Variants in ARPP19 observed in about 807,000 individuals in gnomAD.
ARPP19 encodes cAMP-regulated phosphoprotein 19.
A neutral mutation model predicts 12.0 loss-of-function variants in ARPP19; 8 were observed. The ratio of observed to expected loss-of-function variants is 0.67; its 90% CI spans 0.39 to 1.21. The LOEUF is 1.21. Ranked by LOEUF, ARPP19 falls within the 50% of genes most tolerant of loss-of-function variation. ARPP19 has a pLI of 0.01. For synonymous variants in ARPP19, 47 were observed against 50.4 expected (o/e 0.93, Z 0.29); for missense variants, 102 against 136.3 (o/e 0.75, Z 1.25).
At chr15:52,555,864 TTC>T (rs200474257) in intron 2 of ARPP19, among the ~76,000 whole-genome samples, 1,922 of 152,106 alleles carry the variant, frequency 0.013, 38 homozygotes, top group African/African-American at 0.043. Flanking sequence ...ATATAAACAT[TTC>T]TCTGTTTTTT....
intron 1 of ARPP19, among the ~76,000 whole-genome samples, chr15:52,563,133 CA>C (rs1341828892): frequency 6.6e-6 from 1 of 152,090 alleles, no homozygotes; most frequent in East Asian, 1.9e-4. Flanking sequence ...CTCTGCCTCC[CA>C]AAGTGCTGGG....
intron 1 of ARPP19, among the ~76,000 whole-genome samples, chr15:52,566,271 G>A (rs908251910): frequency 6.6e-6 from 1 of 152,134 alleles, no homozygotes; most frequent in Non-Finnish European, 1.5e-5. Flanking sequence ...CAATTCTTAT[G>A]CCTCAGTCTC....
At position 52,548,655 on chromosome 15, in the gene ARPP19, G is replaced by C. The variant is rs2077901281; in HGVS notation, c.*3279C>G. On this transcript the variant is annotated 3_prime_UTR_variant, in exon 3 of 3. Transcript: ENST00000249822. Reference sequence around the variant, plus strand: ...TAGTAGCCGCCTTGGTTGTCAGACTGAAAAAACATAGTTGATAAAGGGTTC... The same window carrying C: ...TAGTAGCCGCCTTGGTTGTCAGACTCAAAAAACATAGTTGATAAAGGGTTC... The C allele has an allele frequency of 6.6e-6, 1 of 152,320 alleles. No individual in the cohort carries two copies. Among genetic ancestry groups the C allele is most frequent in the Non-Finnish European group, 1.5e-5 (1 of 68,210 alleles). 9.4% of individuals were successfully genotyped at this position (152,320 alleles called of 1,614,324 possible). A position where few individuals can be genotyped will look rare whatever the true frequency, so the allele number is the denominator to read the frequency against.
At chr15:52,556,580 T>C (rs577259202) in intron 2 of ARPP19, among the ~76,000 whole-genome samples, 1 of 152,288 alleles carries the variant, frequency 6.6e-6, no homozygotes, top group East Asian at 1.9e-4. Context: ...TGTGCATTTA[T>C]TAAGTGATCA....
rs2077908395 is a variant in ARPP19, at chr15:52,549,421, T to C, written c.*2513A>G. ...GCACCAATAATGGAGGCTAAGCAAT[T>C]ATACCTACAAATCCTTAACGACAGG... is the stretch of plus-strand genomic sequence containing the variant. On this transcript the variant is annotated 3_prime_UTR_variant, in exon 3 of 3. Coordinates refer to ENST00000249822, the MANE Select transcript of ARPP19 (RefSeq NM_006628.6). 1 of 152,550 alleles carries C rather than the reference T, an allele frequency of 6.6e-6. No individual in the cohort carries two copies. The highest frequency in any genetic ancestry group is 2.4e-5 in the African/African-American group (1 of 41,426). The allele number at this position is 152,550 out of a possible 1,614,324, so 9.4% of individuals were successfully genotyped here. A position where few individuals can be genotyped will look rare whatever the true frequency, so the allele number is the denominator to read the frequency against.
Position 52,550,925 on chromosome 15 carries a change from T to C in ARPP19, c.*1009A>G, listed in dbSNP as rs1358828149. On this transcript the variant is annotated 3_prime_UTR_variant, in exon 3 of 3. Transcript: ENST00000249822. ...AAAAATCAAAATGAAAGGTTCTGCATAGGACAAAAGATATGCCTAAGCAAC... is the reference window on the plus strand; with the variant it reads ...AAAAATCAAAATGAAAGGTTCTGCACAGGACAAAAGATATGCCTAAGCAAC... 6.5e-6 allele frequency: 1 copy of C among 152,684 alleles called. No individual in the cohort carries two copies. The allele number at this position is 152,684 out of a possible 1,614,324, so 9.5% of individuals were successfully genotyped here. A position where few individuals can be genotyped will look rare whatever the true frequency, so the allele number is the denominator to read the frequency against.
At chr15:52,555,806 G>A (rs543721964) in intron 2 of ARPP19, among the ~76,000 whole-genome samples, 1 of 151,936 alleles carries the variant, frequency 6.6e-6, no homozygotes, top group South Asian at 2.1e-4. Flanking sequence ...TTGCAATTTA[G>A]TTATATAAAT....
rs1242801999 is a variant in ARPP19 at position 52,547,978 on chromosome 15, G to A, written c.*3956C>T. ...AAAGTGGAAAATATGTTTGAACATT[G>A]GAGAATGTGAAAAGGCCACCAAACT... is the stretch of plus-strand genomic sequence containing the variant. On this transcript the variant is annotated 3_prime_UTR_variant, in exon 3 of 3. Transcript: ENST00000249822. The A allele has an allele frequency of 6.6e-6, 1 of 151,616 alleles. No homozygotes were observed. Among genetic ancestry groups the A allele is most frequent in the Non-Finnish European group, 1.5e-5 (1 of 67,852 alleles). 9.4% of individuals were successfully genotyped at this position (151,616 alleles called of 1,614,324 possible).
At chr15:52,556,624 G>T (rs2077984208) in intron 2 of ARPP19, among the ~76,000 whole-genome samples, 2 of 152,226 alleles carry the variant, frequency 1.3e-5, no homozygotes, top group Middle Eastern at 3.4e-3. Flanking sequence ...GCTTTTGAAT[G>T]TTGTGTGGGA....
At chr15:52,556,897 T>C (rs1268765455) in intron 2 of ARPP19, 1 of 464,472 alleles carries the variant, frequency 2.2e-6, no homozygotes. Context: ...TAGTTTATTA[T>C]TAAAAATGCT....
At chr15:52,563,130 T>A (rs2078050748) in intron 1 of ARPP19, among the ~76,000 whole-genome samples, 1 of 152,138 alleles carries the variant, frequency 6.6e-6, no homozygotes, top group African/African-American at 2.4e-5. Flanking sequence ...TGCCTCTGCC[T>A]CCCAAAGTGC....
intron 1 of ARPP19, among the ~76,000 whole-genome samples, chr15:52,560,261 T>C (rs1217407814): frequency 6.6e-6 from 1 of 152,182 alleles, no homozygotes; most frequent in African/African-American, 2.4e-5. Context: ...CCTCCCAAAG[T>C]GCTGGATCAC....
intron 2 of ARPP19, among the ~76,000 whole-genome samples, chr15:52,553,299 C>T (rs2077952756): frequency 6.6e-6 from 1 of 152,176 alleles, no homozygotes; most frequent in Non-Finnish European, 1.5e-5. Context: ...CCCTACTCCA[C>T]ACCTCCTCCA....
chr15:52,556,506 T>C (rs907739282), intron 2 of ARPP19, among the ~76,000 whole-genome samples: 48 of 152,142 alleles, frequency 3.2e-4, no homozygotes, highest in Middle Eastern at 3.2e-3. Context: ...ACTATGAAAA[T>C]GAAAATGTTT....
chr15:52,565,370 G>A (rs1566898905), intron 1 of ARPP19, among the ~76,000 whole-genome samples: 1 of 152,070 alleles, frequency 6.6e-6, no homozygotes, highest in Non-Finnish European at 1.5e-5. Flanking sequence ...TCCCCTCCAG[G>A]ACTAGTACAC....
chr15:52,569,066 C>A, upstream of ARPP19: 1 of 576,104 alleles, frequency 1.7e-6, no homozygotes, highest in Non-Finnish European at 3.0e-6. Flanking sequence ...TGGCCAAGGC[C>A]CTCGCACGCC....
chr15:52,568,821 C>A (rs2078112391), intron 1 of ARPP19, 27 bp downstream of exon 1: 3 of 1,551,800 alleles, frequency 1.9e-6, no homozygotes, highest in Middle Eastern at 1.8e-4. Context: ...TTGGGCAGGG[C>A]CCAGGGCTCA....
rs563536810 is a variant in ARPP19 at position 52,550,268 on chromosome 15, A to C, written c.*1666T>G. 6.6e-6 allele frequency: 1 copy of C among 152,356 alleles called. No homozygotes were observed. The highest frequency in any genetic ancestry group is 2.4e-5 in the African/African-American group (1 of 41,582). The allele number at this position is 152,356 out of a possible 1,614,324, so 9.4% of individuals were successfully genotyped here. ...GTTCTAACTAGATAAGCCACAAGTA[A>C]AACTAAATTGGTATTTTACTAAAGT... On this transcript the variant is annotated 3_prime_UTR_variant, in exon 3 of 3. Coordinates refer to ENST00000249822, the MANE Select transcript of ARPP19 (RefSeq NM_006628.6).
At position 52,550,627 on chromosome 15, in the gene ARPP19, GAGAA is replaced by G. The variant is rs2077920940; in HGVS notation, c.*1303_*1306del. On this transcript the variant is annotated 3_prime_UTR_variant, in exon 3 of 3. Coordinates refer to ENST00000249822, the MANE Select transcript of ARPP19 (RefSeq NM_006628.6). Reference sequence around the variant, plus strand: ...GCAAGGCCCTATCCTAAAAAAAAAAGAGAAAGAAGTTAACAACTGAGAAATTAGA... The same window carrying G: ...GCAAGGCCCTATCCTAAAAAAAAAAGAGAAGTTAACAACTGAGAAATTAGA... 2 of 151,832 alleles carry G rather than the reference GAGAA, an allele frequency of 1.3e-5. No homozygotes were observed. The highest frequency in any genetic ancestry group is 4.2e-4 in the South Asian group (2 of 4,808). 9.4% of individuals were successfully genotyped at this position (151,832 alleles called of 1,614,324 possible).
Sources: gnomAD v4.1 joint callset for allele counts (sites outside exome capture counted in the v4.1 genomes callset) on GRCh38, gnomAD v4.1.1 for gene constraint, MANE v1.5 for transcripts, NCBI Gene and HGNC (gene_info 2026-07-23, HGNC 2026-07-21) for gene names.